Variants in PHLPP2 observed in about 807,000 individuals in gnomAD.
PHLPP2 encodes PH domain and leucine rich repeat protein phosphatase 2.
Under a neutral mutation model 124.9 loss-of-function variants are expected in PHLPP2, and 66 were observed. The observed-to-expected ratio is 0.53, with a 90% CI of 0.43 to 0.65. PHLPP2 has a LOEUF of 0.65. PHLPP2 is among the 30% of genes least tolerant of loss of function. PHLPP2 has a pLI of 0.00. For missense variants in PHLPP2, 1,685 were observed against 1,600.4 expected, an observed-to-expected ratio of 1.05 and a Z score of -0.90; for synonymous variants, 681 against 624.7, an observed-to-expected ratio of 1.09 and a Z score of -1.34.
chr16:71,668,665 G>A (rs751736851), intron 11 of PHLPP2, among the ~76,000 whole-genome samples: 1 of 151,924 alleles, frequency 6.6e-6, no homozygotes, highest in Non-Finnish European at 1.5e-5. Flanking sequence ...AGGGGGAGCT[G>A]AGGACAGAGA....
At chr16:71,664,955 G>C (rs1251335076) in intron 12 of PHLPP2, among the ~76,000 whole-genome samples, 1 of 152,162 alleles carries the variant, frequency 6.6e-6, no homozygotes, top group Non-Finnish European at 1.5e-5. Context: ...TGGGATCAAA[G>C]GATATACATT....
chr16:71,659,117 T>TG (rs2044766262), intron 13 of PHLPP2, among the ~76,000 whole-genome samples: 2 of 152,136 alleles, frequency 1.3e-5, no homozygotes, highest in South Asian at 4.1e-4. Flanking sequence ...GGCCTCAAGT[T>TG]GGGGGATTAG....
rs925759402 is a variant in PHLPP2 at position 71,663,633 on chromosome 16, C to A, written c.1985+266G>T. Among the ~76,000 whole-genome samples the A allele has an allele frequency of 3.9e-5, 6 of 152,176 alleles. 1 individual carries two copies. Among genetic ancestry groups the A allele is most frequent in the Admixed American group, 3.9e-4 (6 of 15,270 alleles). On this transcript the variant is annotated intron_variant, in intron 13 of 18. Coordinates refer to ENST00000568954, the MANE Select transcript of PHLPP2 (RefSeq NM_015020.3). The stretch of plus-strand genomic sequence containing the variant: ...TTGTCTTCAGAATCTGTTTCATAAG[C>A]CTGTACTTTTCTAGATTGACTATTA...
In PHLPP2 at chr16:71,663,703, C is replaced by A. The variant is rs551103574; in HGVS notation, c.1985+196G>T. 2.0e-5 allele frequency among the ~76,000 whole-genome samples: 3 copies of A among 152,248 alleles called. No individual in the cohort carries two copies. In the South Asian group the frequency reaches 6.2e-4, roughly 32 times the overall value. On this transcript the variant is annotated intron_variant, in intron 13 of 18. Coordinates refer to ENST00000568954, the MANE Select transcript of PHLPP2 (RefSeq NM_015020.3). Reference sequence around the variant, plus strand: ...CAACTAAAAATTAAACATATTTTAACCAATTTTCCTGGTTACCAATACTTA... The same window carrying A: ...CAACTAAAAATTAAACATATTTTAAACAATTTTCCTGGTTACCAATACTTA...
At chr16:71,664,563 A>G (rs1470085295) in intron 12 of PHLPP2, among the ~76,000 whole-genome samples, 1 of 152,126 alleles carries the variant, frequency 6.6e-6, no homozygotes, top group Non-Finnish European at 1.5e-5. Context: ...CCTGGCCACC[A>G]TGGTGAAACC....
intron 9 of PHLPP2, 130 bp from the exon 10 acceptor site, chr16:71,672,452 G>A: frequency 1.5e-6 from 1 of 685,100 alleles, no homozygotes; most frequent in South Asian, 1.7e-5. Flanking sequence ...ATGAGCTAAA[G>A]ACAAAAACTA....
At chr16:71,694,197 TAATAA>T (rs10571368) in intron 3 of PHLPP2, among the ~76,000 whole-genome samples, 68,246 of 147,732 alleles carry the variant, frequency 0.46, 15,955 homozygotes, top group South Asian at 0.64. Flanking sequence ...GTCTCAAAAA[TAATAA>T]AATAAAATAA....
At chr16:71,693,678 A>C (rs1420400651) in intron 3 of PHLPP2, among the ~76,000 whole-genome samples, 1 of 152,164 alleles carries the variant, frequency 6.6e-6, no homozygotes, top group Non-Finnish European at 1.5e-5. Context: ...ATCTGGACTC[A>C]AATTAACTGT....
At chr16:71,653,105 T>TC in intron 17 of PHLPP2, 84 bp from the exon 18 acceptor site, 1 of 715,174 alleles carries the variant, frequency 1.4e-6, no homozygotes, top group Non-Finnish European at 2.2e-6. Context: ...CCTTCTTTTT[T>TC]TTTTTTTTTT....
At chr16:71,708,700 C>T (rs1276141912) in intron 2 of PHLPP2, among the ~76,000 whole-genome samples, 1 of 152,186 alleles carries the variant, frequency 6.6e-6, no homozygotes, top group Non-Finnish European at 1.5e-5. Context: ...GCATGAGAAT[C>T]ACTTGAACCC....
In PHLPP2 at chr16:71,648,942, G is replaced by A. The variant is rs2044673128; in HGVS notation, c.3920C>T (p.Pro1307Leu). 4 of 1,613,508 alleles carry A rather than the reference G, an allele frequency of 2.5e-6. No individual in the cohort carries two copies. The highest frequency in any genetic ancestry group is 2.5e-6 in the Non-Finnish European group (3 of 1,180,016). ...QHQDSRLEPE[P>L]HEEDRTEPPE... ...GGGCTCGGTCCGATCCTCTTCATGGGGCTCAGGCTCGAGCCGGCTGTCCTG... is the reference window on the plus strand; with the variant it reads ...GGGCTCGGTCCGATCCTCTTCATGGAGCTCAGGCTCGAGCCGGCTGTCCTG... Residue 1307 changes from proline (P) to leucine (L), a missense_variant, in exon 19 of 19, where the codon CCC becomes CTC. Coordinates refer to ENST00000568954, the MANE Select transcript of PHLPP2 (RefSeq NM_015020.3).
At position 71,667,228 on chromosome 16, in the gene PHLPP2, C is replaced by T. The variant is rs1461058300; in HGVS notation, c.1734G>A (p.Gln578=). The change falls in exon 12 of 19, where the codon CAG becomes CAA. Residue 578 remains glutamine, a synonymous_variant. Transcript: ENST00000568954. ...EHIPLEVLDL[Q]HNALTRLPDT... ...CTGGCAGCCTCGTGAGTGCATTATG[C>T]TGAAGATCCAGCACCTCGAGGGGGA... 5 of 1,613,906 alleles carry T rather than the reference C, an allele frequency of 3.1e-6. No homozygotes were observed. Among genetic ancestry groups the T allele is most frequent in the Non-Finnish European group, 4.2e-6 (5 of 1,179,886 alleles).
intron 18 of PHLPP2, among the ~76,000 whole-genome samples, 165 bp downstream of exon 18, chr16:71,652,625 A>C (rs531566395): frequency 6.6e-6 from 1 of 152,216 alleles, no homozygotes; most frequent in African/African-American, 2.4e-5. Flanking sequence ...AACTGATCAG[A>C]TTTTCCTCCA....
chr16:71,664,115 C>A lies in PHLPP2; in HGVS notation c.1785-16G>T, dbSNP rs746093131. ...GTATCTGAGACTGACAGAACACACA[C>A]AGATCATCACCTCCTTTAAGTTTAT... On this transcript the variant is annotated splice_polypyrimidine_tract_variant and intron_variant, in intron 12 of 18. Transcript: ENST00000568954. 3.8e-6 allele frequency: 6 copies of A among 1,562,024 alleles called. No homozygotes were observed. Among genetic ancestry groups the A allele is most frequent in the South Asian group, 3.3e-5 (3 of 90,100 alleles).
chr16:71,690,278 T>C (rs1408320699), intron 4 of PHLPP2, among the ~76,000 whole-genome samples: 4 of 152,206 alleles, frequency 2.6e-5, no homozygotes, highest in African/African-American at 9.6e-5. Context: ...ACTCTGGCTA[T>C]TGTGAGCCCC....
chr16:71,647,999 C>T lies in PHLPP2; in HGVS notation c.*891G>A, dbSNP rs1200020979. 1 of 152,628 alleles carries T rather than the reference C, an allele frequency of 6.6e-6. No individual in the cohort carries two copies. The highest frequency in any genetic ancestry group is 1.5e-5 in the Non-Finnish European group (1 of 68,044). 9.5% of individuals were successfully genotyped at this position (152,628 alleles called of 1,614,324 possible). A position where few individuals can be genotyped will look rare whatever the true frequency, so the allele number is the denominator to read the frequency against. On this transcript the variant is annotated 3_prime_UTR_variant, in exon 19 of 19. Transcript: ENST00000568954. Reference sequence around the variant, plus strand: ...TGCAGATTCAAAAATAAAAAGTTCACAGTCAATGAAAAGTGCTCTCATTAC... The same window carrying T: ...TGCAGATTCAAAAATAAAAAGTTCATAGTCAATGAAAAGTGCTCTCATTAC...
At chr16:71,695,575 G>A (rs1470859932) in intron 3 of PHLPP2, among the ~76,000 whole-genome samples, 1 of 152,068 alleles carries the variant, frequency 6.6e-6, no homozygotes, top group African/African-American at 2.4e-5. Context: ...TGGGTGTGGT[G>A]GTAAGCCACC....
At chr16:71,718,248 C>T (rs2045376015) in intron 1 of PHLPP2, among the ~76,000 whole-genome samples, 1 of 152,020 alleles carries the variant, frequency 6.6e-6, no homozygotes, top group African/African-American at 2.4e-5. Flanking sequence ...ATATATTTAC[C>T]TTAGATTATA....
At chr16:71,683,954 C>T (rs1007400279) in intron 5 of PHLPP2, among the ~76,000 whole-genome samples, 5 of 151,662 alleles carry the variant, frequency 3.3e-5, no homozygotes, top group Admixed American at 6.6e-5. Flanking sequence ...CACTACACCC[C>T]GCTAATTTTG....
Sources: allele counts gnomAD v4.1 joint callset (sites outside exome capture counted in the v4.1 genomes callset), GRCh38; gene constraint gnomAD v4.1.1; transcripts MANE v1.5; gene names NCBI Gene and HGNC (gene_info 2026-07-23, HGNC 2026-07-21).